Variants in MAGEA4 observed in about 807,000 individuals in gnomAD.
The protein encoded by MAGEA4 is MAGE family member A4.
MAGEA4 carries 1 observed loss-of-function variant against 13.7 expected under a neutral mutation model. The observed-to-expected ratio is 0.07, with a 90% confidence interval of 0.03 to 0.35. The LOEUF is 0.35. Among genes scored for constraint, MAGEA4 ranks in the 10% least tolerant of loss-of-function variants. The pLI is 0.99. For synonymous variants in MAGEA4, 132 were observed against 101.1 expected, an observed-to-expected ratio of 1.31 and a Z score of -1.83; for missense variants, 312 against 245.1, an observed-to-expected ratio of 1.27 and a Z score of -1.82.
In MAGEA4 at chrX:151,919,829, C is replaced by T. The variant is rs1330227625; in HGVS notation, c.-137-3624C>T. The T allele has an allele frequency of 1.0e-5, 7 of 677,083 alleles. No homozygotes were observed. The African/African-American group carries it at 1.7e-4, about 16-fold the overall frequency. The allele number at this position is 677,083 out of a possible 1,213,427, so 55.8% of individuals were successfully genotyped here. On this transcript the variant is annotated intron_variant, in intron 1 of 2. Transcript: ENST00000276344. ...CCCTGGGCCACTCGTGGGGGGACTT[C>T]TGAGTCTGGGGCGCCCACCACCCCA...
chrX:151,924,180 C>T lies in MAGEA4; in HGVS notation c.516C>T (p.Pro172=), dbSNP rs200853372. The T allele has an allele frequency of 4.8e-5, 58 of 1,210,216 alleles. No individual in the cohort carries two copies. Among genetic ancestry groups the T allele is most frequent in the South Asian group, 1.1e-4 (6 of 56,790 alleles). ...IFGIDVKEVD[P]ASNTYTLVTC... The stretch of plus-strand genomic sequence containing the variant: ...GCATTGACGTGAAGGAAGTGGACCC[C>T]GCCAGCAACACCTACACCCTTGTCA... The change falls in exon 3 of 3, where the codon CCC becomes CCT. Residue 172 remains proline, a synonymous_variant. Transcript: ENST00000276344.
chrX:151,918,156 C>T (rs1370016791), intron 1 of MAGEA4: 2 of 29,396 alleles, frequency 6.8e-5, no homozygotes, highest in Non-Finnish European at 1.3e-4. Context: ...CCCAAAAACC[C>T]GCCCCCTCCA....
At position 151,924,062 on chromosome X, in the gene MAGEA4, A is replaced by T; in HGVS notation, c.398A>T (p.Lys133Met). ...TATCGAGCCAAGGAGCTGGTCACAAAGGCAGAAATGCTGGAGAGAGTCATC... is the reference window on the plus strand; with the variant it reads ...TATCGAGCCAAGGAGCTGGTCACAATGGCAGAAATGCTGGAGAGAGTCATC... ...RKYRAKELVT[K>M]AEMLERVIKN... The change falls in exon 3 of 3, where the codon AAG (lysine) becomes ATG (methionine). Residue 133 changes from lysine to methionine, a missense_variant. Transcript: ENST00000276344. 1.6e-6 allele frequency: 2 copies of T among 1,212,208 alleles called. No homozygotes were observed. The highest frequency in any genetic ancestry group is 2.2e-6 in the Non-Finnish European group (2 of 895,633).
rs1341279798 is a variant in MAGEA4 at position 151,923,431 on chromosome X, GCT to G, written c.-137-16_-137-15del. ...CTGCTGGCCGGCTATACCCTGAGGT[GCT>G]CTCTCACTTCCTCCTTCAGGTTCTG... On this transcript the variant is annotated intron_variant, in intron 1 of 2. Transcript: ENST00000276344. 2 of 1,163,667 alleles carry G rather than the reference GCT, an allele frequency of 1.7e-6. No homozygotes were observed. The highest frequency in any genetic ancestry group is 1.8e-5 in the South Asian group (1 of 55,802).
Position 151,923,968 on chromosome X carries a change from G to A in MAGEA4, c.304G>A (p.Ala102Thr), listed in dbSNP as rs770490747. Residue 102 changes from alanine to threonine, a missense_variant, in exon 3 of 3, where the codon GCA (alanine) becomes ACA (threonine). Transcript: ENST00000276344. ...EEEGPSTSPD[A>T]ESLFREALSN... ...GGAGGGGCCAAGCACCTCGCCTGACGCAGAGTCCTTGTTCCGAGAAGCACT... is the reference window on the plus strand; with the variant it reads ...GGAGGGGCCAAGCACCTCGCCTGACACAGAGTCCTTGTTCCGAGAAGCACT... 37 of 1,210,247 alleles carry A rather than the reference G, an allele frequency of 3.1e-5. No individual in the cohort carries two copies. The highest frequency in any genetic ancestry group is 3.5e-5 in the South Asian group (2 of 56,739).
chrX:151,913,735 G>A, intron 1 of MAGEA4: 1 of 415,765 alleles, frequency 2.4e-6, no homozygotes, highest in Non-Finnish European at 3.0e-6. Context: ...CTCTGAAGTT[G>A]CAGGGGACTC....
At position 151,922,881 on chromosome X, in the gene MAGEA4, C is replaced by T. The variant is rs183287641; in HGVS notation, c.-137-572C>T. On this transcript the variant is annotated intron_variant, in intron 1 of 2. Coordinates refer to ENST00000276344, the MANE Select transcript of MAGEA4 (RefSeq NM_001011548.1). ...GTTGAGGTGAGGACCAAGCAGGCTC[C>T]GCATCCAGGACACATGGGTTCCAAT... is the stretch of plus-strand genomic sequence containing the variant. Among the ~76,000 whole-genome samples the T allele has an allele frequency of 1.6e-3, 175 of 112,215 alleles. 1 individual carries two copies. The highest frequency in any genetic ancestry group is 5.3e-3 in the African/African-American group (163 of 30,901).
At chrX:151,922,172 C>T (rs1018866440) in intron 1 of MAGEA4, among the ~76,000 whole-genome samples, 7 of 111,180 alleles carry the variant, frequency 6.3e-5, no homozygotes, top group Non-Finnish European at 1.3e-4. Context: ...GTGTGCCACA[C>T]TTCACGAGGA....
rs752682980 is a variant in MAGEA4, at chrX:151,923,814, C to T, written c.150C>T (p.Thr50=). 3 of 1,209,249 alleles carry T rather than the reference C, an allele frequency of 2.5e-6. No individual in the cohort carries two copies. Among genetic ancestry groups the T allele is most frequent in the South Asian group, 3.5e-5 (2 of 56,579 alleles). Residue 50 remains threonine (T), a synonymous_variant, in exon 3 of 3, where the codon ACC becomes ACT. Transcript: ENST00000276344. ...VSSSSPLVPG[T]LEEVPAAESA... ...CCTCCTCTCCTCTGGTCCCTGGCACCCTGGAGGAAGTGCCTGCTGCTGAGT... is the reference window on the plus strand; with the variant it reads ...CCTCCTCTCCTCTGGTCCCTGGCACTCTGGAGGAAGTGCCTGCTGCTGAGT...
intron 1 of MAGEA4, chrX:151,919,566 G>C (rs1300753136): frequency 1.6e-6 from 1 of 629,070 alleles, no homozygotes; most frequent in Non-Finnish European, 1.9e-6. Flanking sequence ...ACGCTGAATC[G>C]GGTTCTGCTT....
In MAGEA4 at chrX:151,923,765, A is replaced by T; in HGVS notation, c.101A>T (p.Glu34Val). ...GTGGGTGCACAGGCTCCTACTACTG[A>T]GGAGCAGGAGGCTGCTGTCTCCTCC... ...GLVGAQAPTT[E>V]EQEAAVSSSS... Residue 34 changes from glutamate to valine, a missense_variant, in exon 3 of 3, where the codon GAG becomes GTG. Coordinates refer to ENST00000276344, the MANE Select transcript of MAGEA4 (RefSeq NM_001011548.1). 8.3e-7 allele frequency: 1 copy of T among 1,208,423 alleles called. No individual in the cohort carries two copies. Among genetic ancestry groups the T allele is most frequent in the Non-Finnish European group, 1.1e-6 (1 of 894,773 alleles).
chrX:151,924,948 C>G lies in MAGEA4; in HGVS notation c.*330C>G. The G allele has an allele frequency of 5.3e-6, 1 of 189,136 alleles. No individual in the cohort carries two copies. The highest frequency in any genetic ancestry group is 1.9e-4 in the South Asian group (1 of 5,269). 15.6% of individuals were successfully genotyped at this position (189,136 alleles called of 1,213,427 possible). ...TTGTTTTTTATTCAGATTGGGAAAT[C>G]CGTTCTATTTTGTGAATTTGGGACA... On this transcript the variant is annotated 3_prime_UTR_variant, in exon 3 of 3. Coordinates refer to ENST00000276344, the MANE Select transcript of MAGEA4 (RefSeq NM_001011548.1).
chrX:151,922,217 C>T (rs1460001739), intron 1 of MAGEA4, among the ~76,000 whole-genome samples: 1 of 111,668 alleles, frequency 9.0e-6, no homozygotes, highest in African/African-American at 3.3e-5. Context: ...GACGGGACCC[C>T]ACAGAGTCTG....
At chrX:151,922,664 CA>C (rs945823832) in intron 1 of MAGEA4, among the ~76,000 whole-genome samples, 3 of 111,839 alleles carry the variant, frequency 2.7e-5, no homozygotes. Context: ...GAGGGTACCA[CA>C]GGGCCAGAAC....
chrX:151,919,851 C>T (rs1053667330), intron 1 of MAGEA4: 1 of 527,368 alleles, frequency 1.9e-6, no homozygotes, highest in Non-Finnish European at 2.3e-6. Context: ...CGCCCACCAC[C>T]CCACTGCCTC....
At chrX:151,922,916 C>T (rs1196830484) in intron 1 of MAGEA4, among the ~76,000 whole-genome samples, 3 of 112,482 alleles carry the variant, frequency 2.7e-5, no homozygotes, top group Admixed American at 9.3e-5. Flanking sequence ...TGAATTTCGA[C>T]ATCTTTTGCT....
At position 151,924,469 on chromosome X, in the gene MAGEA4, C is replaced by T. The variant is rs755062941; in HGVS notation, c.805C>T (p.Arg269Cys). Residue 269 changes from arginine (R) to cysteine (C), a missense_variant, in exon 3 of 3, where the codon CGC (arginine) becomes TGC (cysteine). Physicochemically the swap from Arg to Cys is radical, Grantham distance 180 (BLOSUM62 -3). Transcript: ENST00000276344. ...GCAGGTACCCGGCAGTAATCCTGCG[C>T]GCTATGAGTTCCTGTGGGGTCCAAG... ...YRQVPGSNPA[R>C]YEFLWGPRAL... is the part of the protein sequence containing the mutation. 1.4e-4 allele frequency: 174 copies of T among 1,210,042 alleles called. No homozygotes were observed. Among genetic ancestry groups the T allele is most frequent in the East Asian group, 3.3e-4 (11 of 33,747 alleles).
chrX:151,919,845 C>A, intron 1 of MAGEA4: 1 of 557,056 alleles, frequency 1.8e-6, no homozygotes, highest in Non-Finnish European at 2.2e-6. Context: ...CTGGGGCGCC[C>A]ACCACCCCAC....
At chrX:151,913,243 C>T (rs1384966553) in intron 1 of MAGEA4, among the ~76,000 whole-genome samples, 9 of 110,053 alleles carry the variant, frequency 8.2e-5, no homozygotes, top group East Asian at 2.9e-4. Flanking sequence ...ATTCCCATCC[C>T]GCAACCCCAT....
Sources: allele counts gnomAD v4.1 joint callset (sites outside exome capture counted in the v4.1 genomes callset), GRCh38; gene constraint gnomAD v4.1.1; transcripts MANE v1.5; gene names NCBI Gene and HGNC (gene_info 2026-07-23, HGNC 2026-07-21).